Variants in LYRM9 observed in about 807,000 individuals in gnomAD.
LYRM9 encodes LYR motif containing 9, also known as LYR motif-containing protein 9.
Under a neutral mutation model 12.6 loss-of-function variants are expected in LYRM9, and 14 were observed. That is an observed-to-expected ratio of 1.11 (90% confidence interval 0.73 to 1.73). The LOEUF is 1.73. Among genes scored for constraint, LYRM9 ranks in the 40% most tolerant of loss-of-function variants. The pLI, the probability that LYRM9 is intolerant of heterozygous loss-of-function variation, is 0.00. For synonymous variants in LYRM9, 42 were observed against 35.1 expected, an observed-to-expected ratio of 1.20 and a Z score of -0.69; for missense variants, 94 against 95.0, an observed-to-expected ratio of 0.99 and a Z score of 0.04.
At chr17:27,887,520 TAC>T (rs1905269074) in intron 1 of LYRM9, among the ~76,000 whole-genome samples, 1 of 152,176 alleles carries the variant, frequency 6.6e-6, no homozygotes, top group East Asian at 1.9e-4. Flanking sequence ...ATCTGGCCCC[TAC>T]CTACCCCTCA....
chr17:27,879,795 ATACCAGCATCTAAGG>A, intron 3 of LYRM9: 1 of 543,010 alleles, frequency 1.8e-6, no homozygotes, highest in African/African-American at 1.9e-5. Context: ...GGTCCTTCTA[ATACCAGCATCTAAGG>A]GCCAAGACGC....
intron 3 of LYRM9, 67 bp from the exon 4 acceptor site, chr17:27,879,557 C>G (rs1051646565): frequency 1.5e-5 from 23 of 1,524,330 alleles, no homozygotes; most frequent in Non-Finnish European, 1.9e-5. Flanking sequence ...CTGGAGAAAT[C>G]TCAGGCCTCC....
chr17:27,885,511 G>A (rs1027116649), intron 1 of LYRM9, among the ~76,000 whole-genome samples: 3 of 151,942 alleles, frequency 2.0e-5, no homozygotes, highest in African/African-American at 7.2e-5. Context: ...AGGAGTTTGA[G>A]ACCAACCTGA....
rs1372459933 is a variant in LYRM9, at chr17:27,886,620, G to GCC, written c.-18-3910_-18-3909dup. The stretch of plus-strand genomic sequence containing the variant: ...GTTCCTCCTTCTCCTCAATCCCCAT[G>GCC]CCACTGGTTTCTTTCTTTTCTTTTC... On this transcript the variant is annotated intron_variant, in intron 1 of 3. Transcript: ENST00000379102. The surrounding 1 kb of genome is among the most constrained non-coding windows in gnomAD (Gnocchi z 4.8). Among the ~76,000 whole-genome samples the GCC allele has an allele frequency of 6.6e-6, 1 of 150,794 alleles. No homozygotes were observed. The highest frequency in any genetic ancestry group is 1.9e-4 in the East Asian group (1 of 5,144).
intron 1 of LYRM9, among the ~76,000 whole-genome samples, chr17:27,887,382 A>T (rs1905264408): frequency 6.6e-6 from 1 of 152,220 alleles, no homozygotes; most frequent in Admixed American, 6.5e-5. Context: ...ATGCTCATAA[A>T]ACTGATTTTT....
chr17:27,882,653 C>T lies in LYRM9; in HGVS notation c.42G>A (p.Leu14=), dbSNP rs1324367370. 6.2e-7 allele frequency: 1 copy of T among 1,603,604 alleles called. No individual in the cohort carries two copies. The highest frequency in any genetic ancestry group is 8.5e-7 in the Non-Finnish European group (1 of 1,175,506). The change falls in exon 2 of 4, where the codon CTG becomes CTA. Residue 14 remains leucine, a synonymous_variant. Transcript: ENST00000379102. ...LPGAELVRRP[L]QLYRYLLRCC... ...AGCGCAGCAAGTATCGGTAGAGCTGCAGTGGCCTCCGAACCAGTTCTGCTC... is the reference window on the plus strand; with the variant it reads ...AGCGCAGCAAGTATCGGTAGAGCTGTAGTGGCCTCCGAACCAGTTCTGCTC...
intron 2 of LYRM9, chr17:27,881,324 A>G (rs1905047577): frequency 6.8e-6 from 1 of 146,020 alleles, no homozygotes; most frequent in Non-Finnish European, 1.5e-5. Flanking sequence ...GCTCATCTTT[A>G]GGAGCGCCCC....
chr17:27,883,820 T>G (rs960493773), intron 1 of LYRM9, among the ~76,000 whole-genome samples: 6 of 103,524 alleles, frequency 5.8e-5, no homozygotes, highest in African/African-American at 2.3e-4. Context: ...GCAGTCTGGC[T>G]CCAGAGCCTT....
At chr17:27,882,856 G>T in intron 1 of LYRM9, 144 bp from the exon 2 acceptor site, 1 of 900,270 alleles carries the variant, frequency 1.1e-6, no homozygotes. Context: ...TGCACCTTGG[G>T]GTGGGGTGGG....
chr17:27,890,958 C>T (rs1905420258), intron 1 of LYRM9, among the ~76,000 whole-genome samples: 1 of 151,522 alleles, frequency 6.6e-6, no homozygotes, highest in Non-Finnish European at 1.5e-5. Context: ...ATAGCCAAGG[C>T]TCTAAAGTCC....
At position 27,882,577 on chromosome 17, in the gene LYRM9, C is replaced by A; in HGVS notation, c.118G>T (p.Val40Phe). Residue 40 changes from valine to phenylalanine, a missense_variant, in exon 2 of 4, where the codon GTC becomes TTC. Physicochemically the swap from Val to Phe is conservative, Grantham distance 50 (BLOSUM62 -1). Coordinates refer to ENST00000379102, the MANE Select transcript of LYRM9 (RefSeq NM_001076680.3). ...KGIQQHYKHAVRQSFRVHSDE... is the reference protein window; with the variant it reads ...KGIQQHYKHAFRQSFRVHSDE... Reference sequence around the variant, plus strand: ...GTAGAGCCAGCTCGCACCTGCCTGACAGCATGCTTGTAATGCTGCTGGATG... The same window carrying A: ...GTAGAGCCAGCTCGCACCTGCCTGAAAGCATGCTTGTAATGCTGCTGGATG... 6.3e-7 allele frequency: 1 copy of A among 1,591,216 alleles called. No individual in the cohort carries two copies. Among genetic ancestry groups the A allele is most frequent in the South Asian group, 1.1e-5 (1 of 87,288 alleles).
At chr17:27,885,856 G>C (rs910708341) in intron 1 of LYRM9, among the ~76,000 whole-genome samples, 1 of 152,062 alleles carries the variant, frequency 6.6e-6, no homozygotes, top group African/African-American at 2.4e-5. Context: ...TATCTCAAAG[G>C]GTACTAACTG....
intron 1 of LYRM9, chr17:27,883,205 C>A (rs1905123276): frequency 9.1e-6 from 3 of 330,338 alleles, no homozygotes; most frequent in Non-Finnish European, 1.8e-5. Context: ...TAGTCTTGGG[C>A]CCCACCCCAA....
chr17:27,881,932 ATTT>A (rs1178483500), intron 2 of LYRM9, among the ~76,000 whole-genome samples: 3 of 151,620 alleles, frequency 2.0e-5, no homozygotes, highest in Non-Finnish European at 4.4e-5. Context: ...TCATTGTTTG[ATTT>A]TTCTGTAGAG....
At chr17:27,885,153 G>A (rs182759117) in intron 1 of LYRM9, among the ~76,000 whole-genome samples, 118 of 152,292 alleles carry the variant, frequency 7.7e-4, no homozygotes, top group African/African-American at 2.7e-3. Flanking sequence ...CAGAAGGTCT[G>A]AGTGGGACTA....
Position 27,886,941 on chromosome 17 carries a change from C to T in LYRM9, c.-18-4229G>A, listed in dbSNP as rs1420618424. On this transcript the variant is annotated intron_variant, in intron 1 of 3. Transcript: ENST00000379102. This position sits in a 1 kb window ranked among gnomAD's most constrained non-coding sequence, Gnocchi z 4.8. ...GATTACAGGCGTGAGCCACCACACC[C>T]GGCCCCATGCCACTGGTTTCTAATT... Among the ~76,000 whole-genome samples the T allele has an allele frequency of 7.3e-5, 11 of 150,802 alleles. No individual in the cohort carries two copies. Among genetic ancestry groups the T allele is most frequent in the Admixed American group, 5.3e-4 (8 of 15,194 alleles).
intron 1 of LYRM9, among the ~76,000 whole-genome samples, chr17:27,885,161 C>T (rs1335885594): frequency 6.6e-6 from 1 of 152,194 alleles, no homozygotes; most frequent in African/African-American, 2.4e-5. Context: ...CTGAGTGGGA[C>T]TATCAGAGCC....
In LYRM9 at chr17:27,878,700, TC is replaced by T. The variant is rs1174963954; in HGVS notation, c.*772del. ...AGCTGCTTTGGCGTCTCTCCTTGGT[TC>T]ATGTGGTGGGCACTTCACCACTTCA... On this transcript the variant is annotated 3_prime_UTR_variant, in exon 4 of 4. Transcript: ENST00000379102. 5 of 152,218 alleles carry T rather than the reference TC, an allele frequency of 3.3e-5. No homozygotes were observed. The highest frequency in any genetic ancestry group is 1.2e-4 in the African/African-American group (5 of 41,430). The allele number at this position is 152,218 out of a possible 1,614,324, so 9.4% of individuals were successfully genotyped here. A position where few individuals can be genotyped will look rare whatever the true frequency, so the allele number is the denominator to read the frequency against.
chr17:27,893,283 C>A (rs989757998), intron 1 of LYRM9, 34 bp downstream of exon 1: 4 of 153,142 alleles, frequency 2.6e-5, no homozygotes, highest in Admixed American at 2.0e-4. Flanking sequence ...CCCGCGCCCC[C>A]GCCCTCGGCC....
Sources: allele counts gnomAD v4.1 joint callset (sites outside exome capture counted in the v4.1 genomes callset), GRCh38; gene constraint gnomAD v4.1.1; non-coding constraint Gnocchi (gnomAD v3.1); transcripts MANE v1.5; gene names NCBI Gene and HGNC (gene_info 2026-07-23, HGNC 2026-07-21).